The following KANK1 variants were observed in gnomAD, a reference collection of about 807,000 sequenced individuals.
KANK1 encodes the protein KN motif and ankyrin repeat domains 1, also known as KN motif and ankyrin repeat domain-containing protein 1.
A neutral mutation model predicts 106.2 loss-of-function variants in KANK1; 109 were observed. That is an observed-to-expected ratio of 1.03 (90% CI 0.88 to 1.20). KANK1 has a LOEUF of 1.20. Among genes scored for constraint, KANK1 ranks in the 50% most tolerant of loss-of-function variants. The probability of loss-of-function intolerance (pLI) is 0.00; values close to 1 mark genes in which losing one functional copy is unlikely to be tolerated. For missense variants in KANK1, 2,399 were observed against 1,710.7 expected, an observed-to-expected ratio of 1.40 and a Z score of -7.10; for synonymous variants, 873 against 652.2, an observed-to-expected ratio of 1.34 and a Z score of -5.16.
At chr9:604,755 G>A (rs1162318140) in intron 1 of KANK1, among the ~76,000 whole-genome samples, 1 of 151,814 alleles carries the variant, frequency 6.6e-6, no homozygotes, top group Non-Finnish European at 1.5e-5. Context: ...GATTGAACCT[G>A]ACAGATGGAG....
upstream of KANK1, among the ~76,000 whole-genome samples, chr9:500,814 C>T (rs985868811): frequency 1.3e-5 from 2 of 152,162 alleles, no homozygotes; most frequent in South Asian, 2.1e-4. Flanking sequence ...GCTTCAGTAC[C>T]CTGGACTTGC....
intron 1 of KANK1, among the ~76,000 whole-genome samples, chr9:629,350 T>C (rs961615640): frequency 2.0e-5 from 3 of 152,136 alleles, no homozygotes; most frequent in African/African-American, 7.2e-5. Context: ...ACTCTCTCTC[T>C]TCCCCCAGCC....
chr9:511,186 T>C (rs1272051195), intron 1 of KANK1, among the ~76,000 whole-genome samples: 1 of 152,076 alleles, frequency 6.6e-6, no homozygotes, highest in African/African-American at 2.4e-5. Flanking sequence ...CCTTGAAAAA[T>C]GTGTATGGGT....
At chr9:606,653 A>G (rs955934923) in intron 1 of KANK1, among the ~76,000 whole-genome samples, 3 of 150,316 alleles carry the variant, frequency 2.0e-5, no homozygotes, top group South Asian at 2.1e-4. Context: ...ATATATATAT[A>G]TGTTTAGAAA....
intron 1 of KANK1, among the ~76,000 whole-genome samples, chr9:566,308 G>A (rs1180512246): frequency 1.3e-5 from 2 of 152,278 alleles, no homozygotes; most frequent in South Asian, 2.1e-4. Context: ...GAATAGTGCT[G>A]CAGTGAGCAT....
rs943057956 is a variant in KANK1 at position 479,981 on chromosome 9, GT to G, written c.-362+6714del. ...TTTTCCTGAAAACAGAAAAATATGGGTTTTTTCCCTTCTCAGCAGGTTATAA... is the reference window on the plus strand; with the variant it reads ...TTTTCCTGAAAACAGAAAAATATGGGTTTTTCCCTTCTCAGCAGGTTATAA... On this transcript the variant is annotated intron_variant, in intron 3 of 15. Coordinates refer to the KANK1 transcript ENST00000382303. 4.6e-5 allele frequency among the ~76,000 whole-genome samples: 7 copies of G among 152,192 alleles called. 1 individual carries two copies. Among genetic ancestry groups the G allele is most frequent in the Non-Finnish European group, 5.9e-5 (4 of 68,030 alleles).
At chr9:524,117 A>G (rs922263670) in intron 1 of KANK1, among the ~76,000 whole-genome samples, 16 of 151,904 alleles carry the variant, frequency 1.1e-4, no homozygotes, top group African/African-American at 3.9e-4. Flanking sequence ...TATTTCCTTG[A>G]TGAACAGGGA....
At chr9:578,410 A>G (rs374175998) in intron 1 of KANK1, among the ~76,000 whole-genome samples, 211 of 152,144 alleles carry the variant, frequency 1.4e-3, no homozygotes, top group African/African-American at 4.7e-3. Context: ...CATTGTTGAC[A>G]TGGACCACAG....
At chr9:742,562 C>G (rs1270961817) in intron 10 of KANK1, among the ~76,000 whole-genome samples, 157 bp downstream of exon 10, 4 of 152,202 alleles carry the variant, frequency 2.6e-5, no homozygotes, top group African/African-American at 9.6e-5. Context: ...CCAAGCTTGG[C>G]TACACTTACT....
At chr9:608,379 A>C (rs907216786) in intron 1 of KANK1, among the ~76,000 whole-genome samples, 1 of 151,740 alleles carries the variant, frequency 6.6e-6, no homozygotes, top group African/African-American at 2.4e-5. Flanking sequence ...CTACGTGACC[A>C]TAGACCAACT....
chr9:742,170 C>T (rs968414175), intron 9 of KANK1, 35 bp from the exon 10 acceptor site: 59 of 1,590,982 alleles, frequency 3.7e-5, no homozygotes, highest in East Asian at 6.8e-5. Context: ...CAGCTCAGTA[C>T]GTACTTCTGA....
At chr9:485,980 C>G (rs1215749604) in intron 3 of KANK1, among the ~76,000 whole-genome samples, 4 of 152,054 alleles carry the variant, frequency 2.6e-5, no homozygotes, top group African/African-American at 7.2e-5. Flanking sequence ...CAGAGCTTCC[C>G]CTAGACTTCT....
chr9:702,020 A>G lies in KANK1; in HGVS notation c.38-8784A>G, dbSNP rs1399034214. On this transcript the variant is annotated intron_variant, in intron 2 of 11. Transcript: ENST00000382297. ...GCACTAAGTTTTATAGGAGATGAAT[A>G]TATAAATAAGGAGCAGACTTGCCAT... Among the ~76,000 whole-genome samples the G allele has an allele frequency of 5.3e-5, 8 of 152,232 alleles. No individual in the cohort carries two copies. In the South Asian group the frequency reaches 6.2e-4, roughly 12 times the overall value.
intron 1 of KANK1, among the ~76,000 whole-genome samples, chr9:655,962 T>A (rs9408651): frequency 4.4e-4 from 67 of 152,004 alleles, no homozygotes; most frequent in Non-Finnish European, 8.7e-4. Flanking sequence ...GGATCTTGCC[T>A]TCTGGCTTCC....
At chr9:480,420 G>C (rs767460006) in intron 3 of KANK1, among the ~76,000 whole-genome samples, 13 of 152,206 alleles carry the variant, frequency 8.5e-5, no homozygotes, top group Non-Finnish European at 1.6e-4. Context: ...GTCATTTTCA[G>C]ATGACCATAG....
At chr9:684,690 C>G (rs1353712863) in intron 2 of KANK1, 1 of 545,566 alleles carries the variant, frequency 1.8e-6, no homozygotes, top group Non-Finnish European at 2.3e-6. Context: ...CAGGGTTTGC[C>G]TTCTTCCTGT....
At chr9:615,027 G>A (rs1831471093) in intron 1 of KANK1, among the ~76,000 whole-genome samples, 1 of 150,574 alleles carries the variant, frequency 6.6e-6, no homozygotes, top group South Asian at 2.1e-4. Flanking sequence ...TGCAGCCTCC[G>A]TTTCCTGGGC....
At chr9:646,565 G>A (rs536722721) in intron 1 of KANK1, among the ~76,000 whole-genome samples, 1 of 150,628 alleles carries the variant, frequency 6.6e-6, no homozygotes, top group South Asian at 2.1e-4. Context: ...TGTTGAACAT[G>A]ATTAATCATC....
chr9:473,413 T>G (rs2058053214), intron 3 of KANK1: 1 of 152,216 alleles, frequency 6.6e-6, no homozygotes, highest in Non-Finnish European at 1.5e-5. Flanking sequence ...AAATTTGCAG[T>G]TGAAGTATCA....
Sources: allele counts gnomAD v4.1 joint callset (sites outside exome capture counted in the v4.1 genomes callset), GRCh38; gene constraint gnomAD v4.1.1; transcripts MANE v1.5; gene names NCBI Gene and HGNC (gene_info 2026-07-23, HGNC 2026-07-21).